EPHA5: variants seen among roughly 807,000 people sequenced by gnomAD.
EPHA5 encodes the protein ephrin type-A receptor 5.
EPHA5 carries 60 observed loss-of-function variants against 105.0 expected under a neutral mutation model. The observed-to-expected ratio is 0.57, with a 90% CI of 0.46 to 0.71. The LOEUF is 0.71. Ranked by LOEUF, EPHA5 falls within the 30% of genes least tolerant of loss-of-function variation. EPHA5 has a pLI of 0.00. For missense variants in EPHA5, 1,218 were observed against 1,274.7 expected (o/e 0.96, Z 0.68); for synonymous variants, 513 against 449.1 (o/e 1.14, Z -1.80).
At chr4:65,608,365 G>A (rs533560215) in intron 2 of EPHA5, among the ~76,000 whole-genome samples, 9 of 152,028 alleles carry the variant, frequency 5.9e-5, no homozygotes, top group Admixed American at 3.9e-4. Flanking sequence ...TTAGCCGGGC[G>A]TGGTGGTGGG....
intron 3 of EPHA5, among the ~76,000 whole-genome samples, chr4:65,594,734 C>A (rs546235695): frequency 6.7e-6 from 1 of 150,106 alleles, no homozygotes; most frequent in South Asian, 2.1e-4. Flanking sequence ...ATTGTCAAAC[C>A]AATGAAACAA....
At chr4:65,361,680 G>T (rs1318276633) in intron 11 of EPHA5, among the ~76,000 whole-genome samples, 1 of 151,636 alleles carries the variant, frequency 6.6e-6, no homozygotes, top group Non-Finnish European at 1.5e-5. Context: ...AGCAGTTTAG[G>T]TAATCAATGT....
chr4:65,586,817 A>AAATT, intron 3 of EPHA5, among the ~76,000 whole-genome samples: 1 of 152,194 alleles, frequency 6.6e-6, no homozygotes, highest in Middle Eastern at 3.4e-3. Flanking sequence ...TGTAAGGATT[A>AAATT]AATTCTTTTC....
intron 1 of EPHA5, among the ~76,000 whole-genome samples, chr4:65,667,423 C>CA (rs1278562094): frequency 6.6e-6 from 1 of 152,066 alleles, no homozygotes; most frequent in Non-Finnish European, 1.5e-5. Flanking sequence ...AAATGTGCCC[C>CA]AAACAGCAGG....
chr4:65,632,870 T>C (rs979268598), intron 2 of EPHA5, among the ~76,000 whole-genome samples: 1 of 152,062 alleles, frequency 6.6e-6, no homozygotes, highest in Non-Finnish European at 1.5e-5. Context: ...AAAAAATGAT[T>C]ATCATTAAGA....
intron 5 of EPHA5, among the ~76,000 whole-genome samples, chr4:65,468,611 ATT>A (rs199931282): frequency 6.2e-5 from 7 of 112,084 alleles, no homozygotes; most frequent in Non-Finnish European, 1.1e-4. Context: ...TATTATATAT[ATT>A]ATATATATAT....
intron 3 of EPHA5, among the ~76,000 whole-genome samples, chr4:65,567,923 T>A (rs547516765): frequency 6.6e-6 from 1 of 151,628 alleles, no homozygotes; most frequent in Admixed American, 6.6e-5. Flanking sequence ...AATCCTATTC[T>A]TTGAATTTTT....
chr4:65,598,967 G>C (rs905903884), intron 3 of EPHA5, among the ~76,000 whole-genome samples: 3 of 152,022 alleles, frequency 2.0e-5, no homozygotes. Context: ...TGTGTGAAGG[G>C]GGGAGGTTTC....
chr4:65,349,953 T>C (rs891418902), intron 13 of EPHA5, among the ~76,000 whole-genome samples: 3 of 152,124 alleles, frequency 2.0e-5, no homozygotes, highest in Non-Finnish European at 2.9e-5. Context: ...CATCTCTCAG[T>C]GTATAGATTT....
chr4:65,442,211 G>A (rs924791292), intron 5 of EPHA5, among the ~76,000 whole-genome samples: 6 of 152,082 alleles, frequency 3.9e-5, no homozygotes, highest in Admixed American at 2.0e-4. Context: ...CCTATGGGAG[G>A]TAATGAGGCT....
At chr4:65,387,402 T>G (rs931968410) in intron 8 of EPHA5, among the ~76,000 whole-genome samples, 1 of 152,028 alleles carries the variant, frequency 6.6e-6, no homozygotes, top group Non-Finnish European at 1.5e-5. Context: ...CCTTCTCATT[T>G]CAATTTATTG....
At chr4:65,411,422 T>C (rs6828363) in intron 7 of EPHA5, among the ~76,000 whole-genome samples, 121,604 of 152,004 alleles carry the variant, frequency 0.8, 49,065 homozygotes, top group South Asian at 0.92. Context: ...AAAGTGTCAA[T>C]GTTTCATTAT....
chr4:65,524,413 C>T (rs185109871), intron 3 of EPHA5, among the ~76,000 whole-genome samples: 2 of 151,722 alleles, frequency 1.3e-5, no homozygotes, highest in African/African-American at 2.4e-5. Flanking sequence ...CATTCTTATG[C>T]TCTTCATAGT....
chr4:65,348,688 ATATATATATAAAAT>A, intron 13 of EPHA5, among the ~76,000 whole-genome samples: 1 of 55,644 alleles, frequency 1.8e-5, no homozygotes, highest in South Asian at 5.7e-4. Flanking sequence ...ATATATATAT[ATATATATATAAAAT>A]ATATATGTGT....
chr4:65,420,701 T>C (rs1245608682), intron 5 of EPHA5, 136 bp from the exon 6 acceptor site: 1 of 708,580 alleles, frequency 1.4e-6, no homozygotes, highest in South Asian at 2.7e-5. Flanking sequence ...AGTTTTTCTA[T>C]ATAAGGTTTA....
chr4:65,333,530 AGTGTGTGTCTGT>A (rs202174837), intron 15 of EPHA5, among the ~76,000 whole-genome samples: 20,620 of 122,112 alleles, frequency 0.17, 1,735 homozygotes, highest in East Asian at 0.34. Flanking sequence ...TGCGTGTGAG[AGTGTGTGTCTGT>A]GTGTGTGTGT....
intron 3 of EPHA5, among the ~76,000 whole-genome samples, chr4:65,531,041 A>AT (rs374711840): frequency 3.4e-4 from 25 of 74,448 alleles, no homozygotes; most frequent in African/African-American, 1.1e-3. Context: ...TTATTTTTTT[A>AT]TTTTTTTGAG....
chr4:65,544,698 C>T (rs1011773330), intron 3 of EPHA5, among the ~76,000 whole-genome samples: 9 of 152,066 alleles, frequency 5.9e-5, no homozygotes, highest in East Asian at 5.8e-4. Flanking sequence ...ACCAGAAATG[C>T]CATTTGACCC....
At chr4:65,582,060 C>T (rs1741677083) in intron 3 of EPHA5, among the ~76,000 whole-genome samples, 1 of 151,612 alleles carries the variant, frequency 6.6e-6, no homozygotes, top group African/African-American at 2.4e-5. Flanking sequence ...AATGGTCCTC[C>T]TCCTCAATCC....
Sources: gnomAD v4.1 joint callset for allele counts (sites outside exome capture counted in the v4.1 genomes callset) on GRCh38, gnomAD v4.1.1 for gene constraint, MANE v1.5 for transcripts, NCBI Gene and HGNC (gene_info 2026-07-23, HGNC 2026-07-21) for gene names.